Variants in FGGY observed in about 807,000 individuals in gnomAD.
The protein encoded by FGGY is FGGY carbohydrate kinase domain containing.
FGGY carries 72 observed loss-of-function variants against 71.3 expected under a neutral mutation model. The observed-to-expected ratio is 1.01, with a 90% CI of 0.84 to 1.23. FGGY has a LOEUF of 1.23. Among genes scored for constraint, FGGY ranks in the 50% most tolerant of loss-of-function variants. FGGY has a pLI of 0.00. For synonymous variants in FGGY, 251 were observed against 250.3 expected (o/e 1.00, Z -0.02); for missense variants, 668 against 682.3 (o/e 0.98, Z 0.23).
At chr1:59,358,269 T>A (rs2054722705) in intron 4 of FGGY, among the ~76,000 whole-genome samples, 1 of 152,212 alleles carries the variant, frequency 6.6e-6, no homozygotes, top group Non-Finnish European at 1.5e-5. Flanking sequence ...TGGGCTGTTT[T>A]ACTTTCTTTT....
intron 5 of FGGY, among the ~76,000 whole-genome samples, chr1:59,430,129 T>C (rs2067080104): frequency 6.6e-6 from 1 of 152,236 alleles, no homozygotes; most frequent in South Asian, 2.1e-4. Context: ...TGTGAAGAGC[T>C]AATTTTCTGG....
intron 8 of FGGY, among the ~76,000 whole-genome samples, chr1:59,593,641 C>T (rs919900976): frequency 5.3e-5 from 8 of 152,188 alleles, no homozygotes; most frequent in African/African-American, 1.7e-4. Context: ...TACCTTTCAG[C>T]CAAACCATGC....
chr1:59,466,691 C>T (rs1258612702), intron 6 of FGGY, among the ~76,000 whole-genome samples: 1 of 152,178 alleles, frequency 6.6e-6, no homozygotes, highest in African/African-American at 2.4e-5. Flanking sequence ...AAAAAGTGGG[C>T]AACGGATATG....
intron 8 of FGGY, among the ~76,000 whole-genome samples, chr1:59,605,623 T>C (rs1571996138): frequency 6.6e-6 from 1 of 152,228 alleles, no homozygotes; most frequent in Non-Finnish European, 1.5e-5. Context: ...TGAAAAACTG[T>C]CCTTATTTGA....
At chr1:59,429,946 T>G (rs2067042607) in intron 5 of FGGY, among the ~76,000 whole-genome samples, 1 of 152,154 alleles carries the variant, frequency 6.6e-6, no homozygotes, top group Non-Finnish European at 1.5e-5. Context: ...TCCAATAAAT[T>G]TTATAGCTGC....
At chr1:59,439,174 A>G (rs2069184526) in intron 5 of FGGY, among the ~76,000 whole-genome samples, 1 of 152,156 alleles carries the variant, frequency 6.6e-6, no homozygotes, top group East Asian at 1.9e-4. Flanking sequence ...AGCGTACTGA[A>G]TGGGACTGTG....
chr1:59,372,944 G>T (rs1378641063), intron 4 of FGGY, among the ~76,000 whole-genome samples: 1 of 152,106 alleles, frequency 6.6e-6, no homozygotes, highest in Non-Finnish European at 1.5e-5. Context: ...CAAACCCACA[G>T]CTAATATCAC....
chr1:59,615,998 C>G (rs2096748786), intron 9 of FGGY, among the ~76,000 whole-genome samples: 1 of 151,774 alleles, frequency 6.6e-6, no homozygotes, highest in African/African-American at 2.4e-5. Flanking sequence ...CAGGAAACAA[C>G]AGGTGCTGGA....
At chr1:59,512,162 G>A (rs192482274) in intron 6 of FGGY, 149 bp from the exon 7 acceptor site, 120 of 765,186 alleles carry the variant, frequency 1.6e-4, no homozygotes, top group Middle Eastern at 1.2e-3. Context: ...CACTGGATGA[G>A]CAAAGGGACT....
intron 5 of FGGY, among the ~76,000 whole-genome samples, chr1:59,434,266 T>C (rs930534510): frequency 6.6e-6 from 1 of 152,222 alleles, no homozygotes; most frequent in Non-Finnish European, 1.5e-5. Context: ...TCAGTAAATA[T>C]ATGGTGAATG....
At chr1:59,658,263 T>C (rs958176757) in intron 11 of FGGY, among the ~76,000 whole-genome samples, 2 of 152,218 alleles carry the variant, frequency 1.3e-5, no homozygotes, top group Non-Finnish European at 2.9e-5. Flanking sequence ...GCATTGTTCA[T>C]GTTCTCTCTG....
At chr1:59,603,280 A>AT (rs993342407) in intron 8 of FGGY, among the ~76,000 whole-genome samples, 5 of 152,120 alleles carry the variant, frequency 3.3e-5, no homozygotes, top group African/African-American at 1.2e-4. Context: ...ATAATAAGCT[A>AT]TTTTTCCAAG....
intron 14 of FGGY, among the ~76,000 whole-genome samples, chr1:59,681,764 G>C (rs1390670816): frequency 6.6e-6 from 1 of 150,682 alleles, no homozygotes; most frequent in Non-Finnish European, 1.5e-5. Context: ...TCTGTGATGG[G>C]GAAAATTGCC....
intron 14 of FGGY, among the ~76,000 whole-genome samples, chr1:59,729,466 T>C (rs565271835): frequency 1.8e-4 from 28 of 152,172 alleles, no homozygotes; most frequent in Non-Finnish European, 3.8e-4. Flanking sequence ...TATCTGGTAA[T>C]AGGAACTGAG....
Position 59,611,525 on chromosome 1 carries a change from T to C in FGGY, c.1011+3615T>C, listed in dbSNP as rs113594424. ...CGTCACCATCATCAAAGACCAAAGG[T>C]AGATAAAACCACAAAGATGGGGAAA... On this transcript the variant is annotated intron_variant, in intron 9 of 15. Transcript: ENST00000303721. Among the ~76,000 whole-genome samples the C allele has an allele frequency of 7.1e-3, 1,080 of 151,998 alleles. 21 individuals are homozygous for C. Among genetic ancestry groups the C allele is most frequent in the African/African-American group, 0.025 (1,023 of 41,450 alleles).
At chr1:59,598,205 T>A (rs2096542428) in intron 8 of FGGY, among the ~76,000 whole-genome samples, 1 of 152,226 alleles carries the variant, frequency 6.6e-6, no homozygotes, top group Non-Finnish European at 1.5e-5. Context: ...TGAAAACCAG[T>A]CTGGGCTCAC....
intron 14 of FGGY, among the ~76,000 whole-genome samples, chr1:59,707,126 A>G (rs558696802): frequency 6.6e-6 from 1 of 152,214 alleles, no homozygotes; most frequent in African/African-American, 2.4e-5. Context: ...GAGAGAGAGA[A>G]ACACAACTCA....
intron 5 of FGGY, among the ~76,000 whole-genome samples, chr1:59,398,101 G>A (rs144428992): frequency 1.1e-3 from 167 of 152,282 alleles, no homozygotes; most frequent in Admixed American, 3.6e-3. Context: ...TAGATGGGTT[G>A]AGTCTGTGAG....
chr1:59,753,431 C>T (rs1188262459), intron 14 of FGGY, among the ~76,000 whole-genome samples: 9 of 131,078 alleles, frequency 6.9e-5, no homozygotes, highest in Non-Finnish European at 9.5e-5. Context: ...AAGGTGAGCC[C>T]GAGTCATTTT....
Sources: gnomAD v4.1 joint callset for allele counts (sites outside exome capture counted in the v4.1 genomes callset) on GRCh38, gnomAD v4.1.1 for gene constraint, MANE v1.5 for transcripts, NCBI Gene and HGNC (gene_info 2026-07-23, HGNC 2026-07-21) for gene names.